The following NEBL variants were observed in gnomAD, a reference collection of about 807,000 sequenced individuals.
NEBL encodes the protein LIM and SH3 protein 2.
Under a neutral mutation model 140.2 loss-of-function variants are expected in NEBL, and 122 were observed. The observed-to-expected ratio is 0.87, with a 90% confidence interval of 0.75 to 1.01. The LOEUF is 1.01. Among genes scored for constraint, NEBL ranks in the 50% least tolerant of loss-of-function variants. NEBL has a pLI of 0.00. For missense variants in NEBL, 1,365 were observed against 1,231.3 expected (o/e 1.11, Z -1.62); for synonymous variants, 436 against 398.9 (o/e 1.09, Z -1.11).
chr10:20,831,540 C>G lies in NEBL; in HGVS notation c.1493G>C (p.Gly498Ala). The change falls in exon 15 of 28, where the codon GGG (glycine) becomes GCG (alanine). Residue 498 changes from glycine (G) to alanine (A), a missense_variant. Coordinates refer to ENST00000377122, the MANE Select transcript of NEBL (RefSeq NM_006393.3). ...RDLETEIKGK[G>A]MQVSTDTLDV... is the part of the protein sequence containing the mutation. ...AAGAGTGTCTGTGCTCACCTGCATC[C>G]CTTTCCCTTTAATTTCAGTCTCCAG... 6.2e-7 allele frequency: 1 copy of G among 1,612,446 alleles called. No homozygotes were observed. The highest frequency in any genetic ancestry group is 8.5e-7 in the Non-Finnish European group (1 of 1,179,286).
intron 5 of NEBL, among the ~76,000 whole-genome samples, chr10:20,875,892 C>T (rs1469051926): frequency 6.6e-6 from 1 of 152,126 alleles, no homozygotes; most frequent in Non-Finnish European, 1.5e-5. Context: ...GGAACAGAGG[C>T]AAATCATGTA....
intron 3 of NEBL, among the ~76,000 whole-genome samples, chr10:21,201,052 C>A (rs1841727269): frequency 6.6e-6 from 1 of 151,938 alleles, no homozygotes; most frequent in Admixed American, 6.6e-5. Flanking sequence ...CTGCACCCAG[C>A]CTGAGTGACA....
intron 2 of NEBL, among the ~76,000 whole-genome samples, chr10:21,047,008 T>C (rs1834551033): frequency 1.3e-5 from 2 of 152,230 alleles, no homozygotes; most frequent in South Asian, 2.1e-4. Flanking sequence ...TTTTAGACCA[T>C]GGTCTCTTAT....
At chr10:20,849,851 A>C (rs1171268194) in intron 11 of NEBL, among the ~76,000 whole-genome samples, 2 of 152,220 alleles carry the variant, frequency 1.3e-5, no homozygotes, top group Non-Finnish European at 2.9e-5. Flanking sequence ...ATTTCATCTA[A>C]GACAATTTCA....
chr10:21,173,628 C>T lies in NEBL; in HGVS notation c.69+137G>A, dbSNP rs1419501986. ...ACTCCCGCTGGCGTCTTCGTTCGCG[C>T]GCCCTCCCCCCGTGCCAAGGCACAC... On this transcript the variant is annotated intron_variant, in intron 1 of 6. Transcript: ENST00000417816. This position sits in a 1 kb window ranked among gnomAD's most constrained non-coding sequence, Gnocchi z 5.7. 2.1e-6 allele frequency: 3 copies of T among 1,422,948 alleles called. No individual in the cohort carries two copies. Among genetic ancestry groups the T allele is most frequent in the East Asian group, 2.4e-5 (1 of 42,090 alleles). The allele number at this position is 1,422,948 out of a possible 1,614,324, so 88.1% of individuals were successfully genotyped here. A position where few individuals can be genotyped will look rare whatever the true frequency, so the allele number is the denominator to read the frequency against.
At chr10:20,790,504 G>C (rs1835859310) in intron 26 of NEBL, among the ~76,000 whole-genome samples, 1 of 151,632 alleles carries the variant, frequency 6.6e-6, no homozygotes, top group Non-Finnish European at 1.5e-5. Context: ...GGGAGGCTGA[G>C]GTAGGAGAAT....
intron 3 of NEBL, among the ~76,000 whole-genome samples, chr10:21,244,136 T>C (rs1842482485): frequency 6.6e-6 from 1 of 152,056 alleles, no homozygotes; most frequent in African/African-American, 2.4e-5. Flanking sequence ...CCAGGCCAAA[T>C]CTTGAATGTC....
At chr10:21,185,211 G>C (rs1299424578) in intron 3 of NEBL, among the ~76,000 whole-genome samples, 1 of 152,188 alleles carries the variant, frequency 6.6e-6, no homozygotes, top group East Asian at 1.9e-4. Flanking sequence ...ACATTTTAAA[G>C]AATGCAGCCG....
chr10:21,278,865 A>T (rs558556876), intron 1 of NEBL, among the ~76,000 whole-genome samples: 1 of 152,178 alleles, frequency 6.6e-6, no homozygotes, highest in African/African-American at 2.4e-5. Flanking sequence ...AGGCCTGTCC[A>T]CCACACTGGC....
At chr10:20,913,681 CA>C (rs1476421690) in intron 4 of NEBL, among the ~76,000 whole-genome samples, 11 of 152,186 alleles carry the variant, frequency 7.2e-5, no homozygotes, top group African/African-American at 2.6e-4. Flanking sequence ...ACTTTTTGAT[CA>C]ATATCAATAG....
At chr10:21,234,488 C>T (rs1842321912) in intron 3 of NEBL, among the ~76,000 whole-genome samples, 1 of 152,130 alleles carries the variant, frequency 6.6e-6, no homozygotes, top group Admixed American at 6.5e-5. Flanking sequence ...GAGCAGATGC[C>T]AACACCATGC....
chr10:20,994,240 T>G (rs1000443181), intron 3 of NEBL, among the ~76,000 whole-genome samples: 4 of 152,224 alleles, frequency 2.6e-5, no homozygotes, highest in Non-Finnish European at 4.4e-5. Flanking sequence ...ACTTAATTGC[T>G]CTCTTTAGTC....
intron 1 of NEBL, among the ~76,000 whole-genome samples, chr10:21,253,540 C>CTTTTT (rs71509095): frequency 9.0e-6 from 1 of 110,698 alleles, no homozygotes; most frequent in Non-Finnish European, 1.8e-5. Context: ...TTTTAAACCT[C>CTTTTT]TTTTTTTTTT....
At chr10:20,845,539 T>C in intron 11 of NEBL, 171 bp from the exon 12 acceptor site, 1 of 573,268 alleles carries the variant, frequency 1.7e-6, no homozygotes, top group Non-Finnish European at 3.1e-6. Context: ...AATTTTAGAA[T>C]TCTACCAAAC....
At position 21,224,988 on chromosome 10, in the gene NEBL, C is replaced by CT. The variant is rs981613219; in HGVS notation, n.348+22932dup. ...TCCTTCCTTTCCAATTTTGCTGCCCCTTTTTTTTTCTCTCTTGTCTGGTTG... is the reference window on the plus strand; with the variant it reads ...TCCTTCCTTTCCAATTTTGCTGCCCCTTTTTTTTTTCTCTCTTGTCTGGTTG... On this transcript the variant is annotated intron_variant and non_coding_transcript_variant, in intron 3 of 8. Transcript: ENST00000675702. Among the ~76,000 whole-genome samples, 22 of 151,482 alleles carry CT rather than the reference C, an allele frequency of 1.5e-4. No individual in the cohort carries two copies. In the South Asian group the frequency reaches 3.2e-3, roughly 22 times the overall value.
At chr10:20,886,659 A>G (rs1488458623) in intron 4 of NEBL, among the ~76,000 whole-genome samples, 2 of 152,202 alleles carry the variant, frequency 1.3e-5, no homozygotes, top group Admixed American at 1.3e-4. Context: ...GCCCATATTC[A>G]TGTGCCGGCG....
At chr10:21,106,800 G>C (rs1203401770) in intron 2 of NEBL, among the ~76,000 whole-genome samples, 2 of 152,104 alleles carry the variant, frequency 1.3e-5, no homozygotes, top group African/African-American at 4.8e-5. Flanking sequence ...TCAGGATATT[G>C]ATTCTTCCTA....
chr10:21,223,380 A>G (rs1842100308), intron 3 of NEBL, among the ~76,000 whole-genome samples: 1 of 152,220 alleles, frequency 6.6e-6, no homozygotes, highest in African/African-American at 2.4e-5. Flanking sequence ...TGATAGGATC[A>G]CATTCTTTTC....
intron 1 of NEBL, among the ~76,000 whole-genome samples, chr10:21,289,190 G>A (rs1045609624): frequency 1.3e-5 from 2 of 151,754 alleles, no homozygotes; most frequent in South Asian, 2.1e-4. Context: ...ACTTAAGCCC[G>A]GTTGTTCCCA....
Sources: gnomAD v4.1 joint callset for allele counts (sites outside exome capture counted in the v4.1 genomes callset) on GRCh38, gnomAD v4.1.1 for gene constraint, Gnocchi (gnomAD v3.1) non-coding constraint, MANE v1.5 for transcripts, NCBI Gene and HGNC (gene_info 2026-07-23, HGNC 2026-07-21) for gene names.